The following VPS13B variants were observed in gnomAD, a reference collection of about 807,000 sequenced individuals.
The protein encoded by VPS13B is vacuolar protein sorting 13 homolog B.
Under a neutral mutation model 426.4 loss-of-function variants are expected in VPS13B, and 285 were observed. The observed-to-expected ratio is 0.67, with a 90% CI of 0.61 to 0.74. VPS13B has a LOEUF of 0.74. Among genes scored for constraint, VPS13B ranks in the 30% least tolerant of loss-of-function variants. The probability of loss-of-function intolerance (pLI) is 0.00; values close to 1 mark genes in which losing one functional copy is unlikely to be tolerated. For missense variants in VPS13B, 4,537 were observed against 4,782.6 expected, an observed-to-expected ratio of 0.95 and a Z score of 1.51; for synonymous variants, 1,676 against 1,676.4, an observed-to-expected ratio of 1.00 and a Z score of 0.01.
intron 24 of VPS13B, among the ~76,000 whole-genome samples, chr8:99,477,893 A>G (rs544248980): frequency 2.6e-5 from 4 of 152,186 alleles, no homozygotes; most frequent in African/African-American, 9.6e-5. Context: ...CATCTTAACT[A>G]TGTGACCAAA....
At chr8:99,192,829 G>A (rs1813677466) in intron 16 of VPS13B, 47 bp from the exon 17 acceptor site, 1 of 1,602,480 alleles carries the variant, frequency 6.2e-7, no homozygotes, top group Non-Finnish European at 8.5e-7. Context: ...TTTGTTGTCT[G>A]TAAATGCTAT....
At chr8:99,362,331 C>T (rs1435982951) in intron 19 of VPS13B, among the ~76,000 whole-genome samples, 1 of 151,560 alleles carries the variant, frequency 6.6e-6, no homozygotes, top group African/African-American at 2.4e-5. Context: ...TTTAGTAGAG[C>T]CCGGGTTTCA....
At chr8:99,125,453 G>C (rs548849765) in intron 8 of VPS13B, among the ~76,000 whole-genome samples, 12 of 152,262 alleles carry the variant, frequency 7.9e-5, no homozygotes, top group African/African-American at 2.9e-4. Context: ...CCAGTTCACT[G>C]ACTCAATTGT....
chr8:99,677,982 T>C (rs891261886), intron 35 of VPS13B, among the ~76,000 whole-genome samples: 1 of 152,188 alleles, frequency 6.6e-6, no homozygotes, highest in Non-Finnish European at 1.5e-5. Context: ...TTCTTATCCC[T>C]GTACAATAGT....
At chr8:99,450,473 G>A (rs936391824) in intron 23 of VPS13B, among the ~76,000 whole-genome samples, 1 of 152,092 alleles carries the variant, frequency 6.6e-6, no homozygotes, top group Admixed American at 6.5e-5. Context: ...CCCAGCATTT[G>A]GGAGGCCAAG....
intron 19 of VPS13B, among the ~76,000 whole-genome samples, chr8:99,370,449 G>A (rs1368622363): frequency 6.6e-6 from 1 of 152,094 alleles, no homozygotes; most frequent in Non-Finnish European, 1.5e-5. Flanking sequence ...TCAGAGAGAG[G>A]CGAGAATCAG....
At chr8:99,549,442 T>G (rs964530150) in intron 30 of VPS13B, among the ~76,000 whole-genome samples, 7 of 151,900 alleles carry the variant, frequency 4.6e-5, no homozygotes, top group Admixed American at 1.3e-4. Context: ...CAAAGTAGGG[T>G]TTTTTTTCCT....
intron 21 of VPS13B, among the ~76,000 whole-genome samples, chr8:99,415,072 T>A (rs1228060029): frequency 1.3e-5 from 2 of 152,136 alleles, no homozygotes; most frequent in Admixed American, 1.3e-4. Context: ...TCTTTTCACA[T>A]AGTCCCATAT....
chr8:99,129,310 T>A (rs1809622044), intron 8 of VPS13B, among the ~76,000 whole-genome samples: 1 of 151,552 alleles, frequency 6.6e-6, no homozygotes, highest in African/African-American at 2.4e-5. Context: ...AAGGCAACTG[T>A]TGATAAATAT....
intron 19 of VPS13B, among the ~76,000 whole-genome samples, chr8:99,382,092 C>T (rs937287732): frequency 1.4e-4 from 21 of 152,142 alleles, no homozygotes; most frequent in African/African-American, 4.8e-4. Flanking sequence ...ATCCTTTTCC[C>T]CATTGCCTGT....
intron 17 of VPS13B, among the ~76,000 whole-genome samples, chr8:99,271,575 G>T (rs556308507): frequency 2.0e-5 from 3 of 152,118 alleles, no homozygotes; most frequent in Non-Finnish European, 4.4e-5. Context: ...TAGTCCGTTC[G>T]CATACTGCTG....
chr8:99,258,768 A>G (rs1049679755), intron 17 of VPS13B, among the ~76,000 whole-genome samples: 5 of 152,070 alleles, frequency 3.3e-5, no homozygotes, highest in African/African-American at 1.2e-4. Flanking sequence ...ATTGTAGATA[A>G]TCATGGCTTT....
intron 14 of VPS13B, among the ~76,000 whole-genome samples, chr8:99,156,034 G>A (rs970961758): frequency 2.0e-5 from 3 of 152,124 alleles, no homozygotes; most frequent in Non-Finnish European, 4.4e-5. Context: ...GACTTTATGA[G>A]CCCTTAACAT....
At chr8:99,056,643 A>G (rs947388226) in intron 3 of VPS13B, among the ~76,000 whole-genome samples, 1 of 152,082 alleles carries the variant, frequency 6.6e-6, no homozygotes, top group East Asian at 1.9e-4. Context: ...ATTGGATATG[A>G]TGTTAGGTGT....
At chr8:99,174,442 A>G (rs1254684834) in intron 16 of VPS13B, among the ~76,000 whole-genome samples, 1 of 152,108 alleles carries the variant, frequency 6.6e-6, no homozygotes, top group Non-Finnish European at 1.5e-5. Context: ...AAAGGTTCCA[A>G]TTTCTCCATA....
rs1343144986 is a variant in VPS13B, at chr8:99,816,623, CT to C, written c.8098-916del. Among the ~76,000 whole-genome samples, 23 of 152,008 alleles carry C rather than the reference CT, an allele frequency of 1.5e-4. 1 individual carries two copies. Among genetic ancestry groups the C allele is most frequent in the African/African-American group, 5.3e-4 (22 of 41,476 alleles). The stretch of plus-strand genomic sequence containing the variant: ...GAGTTTGAGACCAGCCTAGGCAACA[CT>C]GAAACCCCATCCTACAAAAAAACAC... On this transcript the variant is annotated intron_variant, in intron 44 of 61. Coordinates refer to ENST00000357162, the MANE Select transcript of VPS13B (RefSeq NM_152564.5).
intron 33 of VPS13B, among the ~76,000 whole-genome samples, chr8:99,624,007 A>ATATATATATAT (rs1206203704): frequency 4.9e-5 from 5 of 101,122 alleles, no homozygotes; most frequent in African/African-American, 2.2e-4. Flanking sequence ...ATATATATAT[A>ATATATATATAT]TTTTTTTTTT....
At chr8:99,818,362 A>T (rs981338625) in intron 45 of VPS13B, 89 bp from the exon 46 acceptor site, 1 of 1,314,336 alleles carries the variant, frequency 7.6e-7, no homozygotes, top group East Asian at 2.3e-5. Context: ...ACTCTTTTTA[A>T]TCTTCCAAAC....
intron 54 of VPS13B, among the ~76,000 whole-genome samples, chr8:99,838,828 C>CA (rs1815527443): frequency 1.3e-5 from 2 of 152,196 alleles, no homozygotes; most frequent in Admixed American, 6.5e-5. Flanking sequence ...GGTGAACAGG[C>CA]ACTCCCTAGG....
Sources: gnomAD v4.1 joint callset for allele counts (sites outside exome capture counted in the v4.1 genomes callset) on GRCh38, gnomAD v4.1.1 for gene constraint, MANE v1.5 for transcripts, NCBI Gene and HGNC (gene_info 2026-07-23, HGNC 2026-07-21) for gene names.